NUP98: variants seen among roughly 807,000 people sequenced by gnomAD.
NUP98 encodes nucleoporin 98 and 96 precursor.
In NUP98, 26 loss-of-function variants were observed where a neutral mutation model predicts 191.9. The observed-to-expected ratio is 0.14, with a 90% confidence interval of 0.10 to 0.19. NUP98 has a LOEUF of 0.19. NUP98 is among the 10% of genes least tolerant of loss of function. The pLI, the probability that NUP98 is intolerant of heterozygous loss-of-function variation, is 1.00. For missense variants in NUP98, 1,941 were observed against 2,178.8 expected, an observed-to-expected ratio of 0.89 and a Z score of 2.17; for synonymous variants, 808 against 778.4, an observed-to-expected ratio of 1.04 and a Z score of -0.63.
At position 3,732,945 on chromosome 11, in the gene NUP98, T is replaced by C. The variant is rs972609688; in HGVS notation, c.1543-1367A>G. Among the ~76,000 whole-genome samples, 16 of 152,240 alleles carry C rather than the reference T, an allele frequency of 1.1e-4. 1 individual carries two copies. The highest frequency in any genetic ancestry group is 3.9e-4 in the African/African-American group (16 of 41,470). On this transcript the variant is annotated intron_variant, in intron 13 of 32. Coordinates refer to ENST00000324932, the MANE Select transcript of NUP98 (RefSeq NM_016320.5). ...AGACTCGCCAAGCCCTACATATCCATACAAAAAAGTTAAATGTTCCTCTTC... is the reference window on the plus strand; with the variant it reads ...AGACTCGCCAAGCCCTACATATCCACACAAAAAAGTTAAATGTTCCTCTTC...
At chr11:3,727,530 T>C (rs74049660) in intron 14 of NUP98, among the ~76,000 whole-genome samples, 1,752 of 152,068 alleles carry the variant, frequency 0.012, 34 homozygotes, top group African/African-American at 0.04. Context: ...AATAACTGCA[T>C]TGGACTGAAA....
At chr11:3,779,876 C>G (rs1313496782) in intron 2 of NUP98, among the ~76,000 whole-genome samples, 6 of 151,914 alleles carry the variant, frequency 3.9e-5, no homozygotes, top group African/African-American at 1.5e-4. Context: ...ACCTGTAATC[C>G]CAGCACTTTG....
At chr11:3,775,102 C>CA (rs1023466537) in intron 5 of NUP98, among the ~76,000 whole-genome samples, 54 of 152,074 alleles carry the variant, frequency 3.6e-4, no homozygotes, top group African/African-American at 1.3e-3. Flanking sequence ...CAATCCCTCT[C>CA]AAAAAAAGAA....
intron 23 of NUP98, 87 bp from the exon 24 acceptor site, chr11:3,700,926 T>C: frequency 1.1e-6 from 1 of 878,790 alleles, no homozygotes; most frequent in Non-Finnish European, 1.8e-6. Flanking sequence ...TGTTTCTTTT[T>C]ATGATTACAA....
At chr11:3,700,268 C>CAAA (rs35824298) in intron 24 of NUP98, among the ~76,000 whole-genome samples, 33 of 93,112 alleles carry the variant, frequency 3.5e-4, no homozygotes, top group African/African-American at 4.8e-4. Context: ...GACTCCGTCT[C>CAAA]AAAAAAAAAA....
intron 19 of NUP98, 92 bp from the exon 20 acceptor site, chr11:3,712,820 AG>A (rs1262074220): frequency 9.9e-6 from 13 of 1,319,590 alleles, no homozygotes; most frequent in Non-Finnish European, 1.4e-5. Flanking sequence ...TTAAGAAAAA[AG>A]AAAGAAAAGG....
intron 18 of NUP98, 143 bp downstream of exon 18, chr11:3,719,269 C>T: frequency 1.8e-6 from 1 of 557,600 alleles, no homozygotes; most frequent in Non-Finnish European, 3.1e-6. Context: ...GCCATTTATA[C>T]TTTTAAATCA....
intron 9 of NUP98, among the ~76,000 whole-genome samples, chr11:3,761,378 G>C (rs982039544): frequency 6.6e-6 from 1 of 152,202 alleles, no homozygotes; most frequent in Non-Finnish European, 1.5e-5. Context: ...TGTAATCCCA[G>C]CATTCTGAAA....
intron 25 of NUP98, 38 bp downstream of exon 25, chr11:3,699,044 C>A: frequency 6.2e-7 from 1 of 1,603,640 alleles, no homozygotes; most frequent in Non-Finnish European, 8.5e-7. Flanking sequence ...AGTAGGAAGG[C>A]GACAGAGGCG....
At chr11:3,702,343 TCTCTCTCTCTCTCTC>T (rs2078728694) in intron 23 of NUP98, 105 bp downstream of exon 23, 1 of 650,412 alleles carries the variant, frequency 1.5e-6, no homozygotes, top group African/African-American at 2.1e-5. Context: ...TCTCTCTCTC[TCTCTCTCTCTCTCTC>T]TCTCTCTCTC....
rs774006759 is a variant in NUP98 at position 3,782,095 on chromosome 11, G to A, written c.23C>T (p.Thr8Ile). The A allele has an allele frequency of 1.4e-5, 22 of 1,612,024 alleles. No homozygotes were observed. The highest frequency in any genetic ancestry group is 1.7e-5 in the Non-Finnish European group (20 of 1,179,118). MFNKSFG[T>I]PFGGGTGGFG... ...GCCACCTGTGCCACCCCCAAAGGGT[G>A]TTCCAAATGATTTGTTAAACATCTT... Residue 8 changes from threonine (T) to isoleucine (I), a missense_variant, in exon 2 of 33, where the codon ACA (threonine) becomes ATA (isoleucine). Around this residue, in one of 6 missense-constraint regions of NUP98, gnomAD observed 154 missense variants for 182.9 expected, o/e 0.84. Coordinates refer to ENST00000324932, the MANE Select transcript of NUP98 (RefSeq NM_016320.5).
intron 8 of NUP98, among the ~76,000 whole-genome samples, chr11:3,764,541 T>A (rs1003106468): frequency 6.6e-6 from 1 of 152,192 alleles, no homozygotes; most frequent in Non-Finnish European, 1.5e-5. Context: ...ACCAGCAATG[T>A]ATGAGGGTTC....
At chr11:3,679,486 T>A (rs942570302) in intron 31 of NUP98, 68 bp downstream of exon 31, 1 of 1,551,236 alleles carries the variant, frequency 6.4e-7, no homozygotes, top group Admixed American at 1.7e-5. Flanking sequence ...TAAGGCCTTG[T>A]GAGGTATCTG....
At chr11:3,766,248 G>A (rs2081335384) in intron 8 of NUP98, among the ~76,000 whole-genome samples, 1 of 152,022 alleles carries the variant, frequency 6.6e-6, no homozygotes, top group Non-Finnish European at 1.5e-5. Flanking sequence ...GGTGGTGCAC[G>A]CCTGTAGTCC....
At chr11:3,784,579 TAAAAACAA>T (rs773713943) in intron 1 of NUP98, among the ~76,000 whole-genome samples, 18 of 89,374 alleles carry the variant, frequency 2.0e-4, no homozygotes, top group Admixed American at 3.1e-4. Flanking sequence ...CTGTCTCTAT[TAAAAACAA>T]AAAAAAAACA....
chr11:3,742,980 T>C (rs2080340282), intron 12 of NUP98, among the ~76,000 whole-genome samples: 1 of 152,066 alleles, frequency 6.6e-6, no homozygotes, highest in African/African-American at 2.4e-5. Flanking sequence ...GATAACCCGT[T>C]TTTCACTTCC....
chr11:3,768,535 A>G, intron 8 of NUP98, 46 bp downstream of exon 8: 3 of 1,447,526 alleles, frequency 2.1e-6, no homozygotes, highest in South Asian at 1.7e-5. Context: ...TCATTACTTA[A>G]CTCTAAAAAT....
At position 3,679,739 on chromosome 11, in the gene NUP98, T is replaced by C. The variant is rs754797808; in HGVS notation, c.4919-31A>G. ...GAAACAAAGTATTGAGCACAATGTCTGCACAAGTGCATAGTTTCCAAAAGT... is the reference window on the plus strand; with the variant it reads ...GAAACAAAGTATTGAGCACAATGTCCGCACAAGTGCATAGTTTCCAAAAGT... On this transcript the variant is annotated intron_variant, in intron 30 of 32. Coordinates refer to ENST00000324932, the MANE Select transcript of NUP98 (RefSeq NM_016320.5). 4 of 1,599,292 alleles carry C rather than the reference T, an allele frequency of 2.5e-6. No homozygotes were observed. In the South Asian group the frequency reaches 3.4e-5, roughly 13 times the overall value.
chr11:3,778,904 G>T lies in NUP98; in HGVS notation c.324C>A (p.Ala108=), dbSNP rs1285487261. 6.2e-7 allele frequency: 1 copy of T among 1,614,152 alleles called. No individual in the cohort carries two copies. The highest frequency in any genetic ancestry group is 8.5e-7 in the Non-Finnish European group (1 of 1,180,026). Residue 108 remains alanine, a synonymous_variant, in exon 4 of 33, where the codon GCC becomes GCA. Transcript: ENST00000324932. ...AGCCAGTTGGTTTATTTTGTGCAAAGGCATTGTTTTGGGATGAGAAGAGAC... is the reference window on the plus strand; with the variant it reads ...AGCCAGTTGGTTTATTTTGTGCAAATGCATTGTTTTGGGATGAGAAGAGAC... The part of the protein sequence containing the change: ...GTSLFSSQNN[A]FAQNKPTGFG...
Sources: allele counts gnomAD v4.1 joint callset (sites outside exome capture counted in the v4.1 genomes callset), GRCh38; gene constraint gnomAD v4.1.1; regional missense constraint gnomAD v4.1.1; transcripts MANE v1.5; gene names NCBI Gene and HGNC (gene_info 2026-07-23, HGNC 2026-07-21).